The following BTRC variants were observed in gnomAD, a reference collection of about 807,000 sequenced individuals.
BTRC encodes beta-transducin repeat containing E3 ubiquitin protein ligase.
A neutral mutation model predicts 85.5 loss-of-function variants in BTRC; 42 were observed. That is an observed-to-expected ratio of 0.49 (90% CI 0.38 to 0.64). BTRC has a LOEUF of 0.64. Among genes scored for constraint, BTRC ranks in the 30% least tolerant of loss-of-function variants. The pLI is 0.00. For missense variants in BTRC, 594 were observed against 743.5 expected, an observed-to-expected ratio of 0.80 and a Z score of 2.34; for synonymous variants, 255 against 263.3, an observed-to-expected ratio of 0.97 and a Z score of 0.30.
At chr10:101,493,209 T>C (rs1946177637) in intron 4 of BTRC, among the ~76,000 whole-genome samples, 1 of 152,226 alleles carries the variant, frequency 6.6e-6, no homozygotes, top group African/African-American at 2.4e-5. Context: ...TGTATTTGAA[T>C]GTGAATGACT....
At chr10:101,449,997 T>TA (rs58259295) in intron 2 of BTRC, among the ~76,000 whole-genome samples, 54,222 of 143,522 alleles carry the variant, frequency 0.38, 10,934 homozygotes, top group Middle Eastern at 0.48. Flanking sequence ...GATAAAAATG[T>TA]AAAAAAAAAA....
intron 3 of BTRC, among the ~76,000 whole-genome samples, chr10:101,476,591 C>T (rs1162117210): frequency 4.0e-5 from 6 of 151,354 alleles, no homozygotes; most frequent in Non-Finnish European, 7.4e-5. Flanking sequence ...CCTGAGTAGC[C>T]AGGACTACAG....
chr10:101,502,018 C>G (rs993601864), intron 4 of BTRC, among the ~76,000 whole-genome samples: 2 of 152,026 alleles, frequency 1.3e-5, no homozygotes, highest in African/African-American at 2.4e-5. Context: ...TCTATGAAAC[C>G]CCATTAAAAA....
At chr10:101,358,998 C>G (rs572555276) in intron 1 of BTRC, among the ~76,000 whole-genome samples, 1 of 152,236 alleles carries the variant, frequency 6.6e-6, no homozygotes, top group African/African-American at 2.4e-5. Flanking sequence ...ATGGTATCGG[C>G]CAAGTTTGTG....
intron 4 of BTRC, among the ~76,000 whole-genome samples, chr10:101,491,969 G>GTT (rs759594036): frequency 2.7e-5 from 4 of 147,290 alleles, no homozygotes; most frequent in East Asian, 2.0e-4. Flanking sequence ...AGTTGTTGTT[G>GTT]TTTTTTTTTT....
At chr10:101,429,654 C>T (rs1321908520) in intron 1 of BTRC, among the ~76,000 whole-genome samples, 7 of 148,748 alleles carry the variant, frequency 4.7e-5, no homozygotes, top group African/African-American at 1.7e-4. Flanking sequence ...TTGTTGTTTT[C>T]CCTTCTGTTT....
chr10:101,496,812 A>G (rs1054162767), intron 4 of BTRC, among the ~76,000 whole-genome samples: 5 of 152,136 alleles, frequency 3.3e-5, no homozygotes, highest in Non-Finnish European at 7.3e-5. Context: ...AAGATTTATA[A>G]GAGTTCTTTA....
intron 3 of BTRC, among the ~76,000 whole-genome samples, chr10:101,471,152 T>C (rs1945514033): frequency 6.6e-6 from 1 of 152,186 alleles, no homozygotes; most frequent in Non-Finnish European, 1.5e-5. Flanking sequence ...AGATTTGTTG[T>C]TTTATTTTTT....
intron 2 of BTRC, among the ~76,000 whole-genome samples, chr10:101,448,370 G>A (rs1017331241): frequency 3.3e-5 from 5 of 152,044 alleles, no homozygotes; most frequent in Admixed American, 3.3e-4. Context: ...AGTAAAATTA[G>A]CCATCCTTCC....
At chr10:101,412,451 G>A (rs1457132991) in intron 1 of BTRC, among the ~76,000 whole-genome samples, 1 of 152,134 alleles carries the variant, frequency 6.6e-6, no homozygotes, top group East Asian at 1.9e-4. Flanking sequence ...TCAGTGTCTT[G>A]AAATATATGT....
chr10:101,459,820 T>G (rs1945177126), intron 2 of BTRC, among the ~76,000 whole-genome samples: 1 of 152,132 alleles, frequency 6.6e-6, no homozygotes. Context: ...AAGAAAATTG[T>G]GAGTATGGGC....
At chr10:101,422,354 G>T (rs2134057093) in intron 1 of BTRC, among the ~76,000 whole-genome samples, 1 of 152,168 alleles carries the variant, frequency 6.6e-6, no homozygotes, top group African/African-American at 2.4e-5. Flanking sequence ...TGAGTTCTTT[G>T]TAGATTCTGG....
In BTRC at chr10:101,488,122, T is replaced by G. The variant is rs553187589; in HGVS notation, c.324+8665T>G. On this transcript the variant is annotated intron_variant, in intron 4 of 14. Coordinates refer to ENST00000370187, the MANE Select transcript of BTRC (RefSeq NM_033637.4). Reference sequence around the variant, plus strand: ...CCAGAGGAATTACATTTTTTAAAGTTCTGCCTTGTCAGCCTCCTCTCTCCT... The same window carrying G: ...CCAGAGGAATTACATTTTTTAAAGTGCTGCCTTGTCAGCCTCCTCTCTCCT... Among the ~76,000 whole-genome samples, 91 of 152,236 alleles carry G rather than the reference T, an allele frequency of 6.0e-4. 1 individual carries two copies. The highest frequency in any genetic ancestry group is 7.9e-4 in the Admixed American group (12 of 15,284).
At chr10:101,509,926 G>A (rs1040059394) in intron 4 of BTRC, among the ~76,000 whole-genome samples, 5 of 150,412 alleles carry the variant, frequency 3.3e-5, no homozygotes, top group African/African-American at 4.9e-5. Context: ...CAAGCACTTT[G>A]GGAGGCCAAG....
intron 1 of BTRC, among the ~76,000 whole-genome samples, chr10:101,377,399 A>C (rs1270177888): frequency 6.6e-6 from 1 of 152,206 alleles, no homozygotes; most frequent in Non-Finnish European, 1.5e-5. Context: ...CATTTCTCTA[A>C]ATACCCATGA....
intron 2 of BTRC, among the ~76,000 whole-genome samples, chr10:101,431,466 G>A (rs1006107764): frequency 3.3e-5 from 5 of 152,228 alleles, no homozygotes; most frequent in Non-Finnish European, 5.9e-5. Context: ...AGACAAAAAC[G>A]TAGGAAAGAG....
chr10:101,414,388 A>G (rs1324715276), intron 1 of BTRC, among the ~76,000 whole-genome samples: 1 of 152,214 alleles, frequency 6.6e-6, no homozygotes, highest in Admixed American at 6.5e-5. Flanking sequence ...ATACTGGTGT[A>G]AATGAACCTG....
intron 1 of BTRC, 24 bp from the exon 2 acceptor site, chr10:101,430,321 C>T: frequency 1.3e-6 from 2 of 1,561,044 alleles, no homozygotes; most frequent in Non-Finnish European, 1.8e-6. Context: ...ACTGTCCCAT[C>T]TCATAGTTGT....
chr10:101,406,513 A>C (rs1943626480), intron 1 of BTRC, among the ~76,000 whole-genome samples: 1 of 126,094 alleles, frequency 7.9e-6, no homozygotes, highest in African/African-American at 3.0e-5. Flanking sequence ...TAACATAGCC[A>C]TCTCAGGTTT....
Sources: allele counts gnomAD v4.1 joint callset (sites outside exome capture counted in the v4.1 genomes callset), GRCh38; gene constraint gnomAD v4.1.1; transcripts MANE v1.5; gene names NCBI Gene and HGNC (gene_info 2026-07-23, HGNC 2026-07-21).